The following SLC35F1 variants were observed in gnomAD, a reference collection of about 807,000 sequenced individuals.
SLC35F1 encodes chromosome 6 open reading frame 169.
Under a neutral mutation model 48.7 loss-of-function variants are expected in SLC35F1, and 14 were observed. That is an observed-to-expected ratio of 0.29 (90% CI 0.19 to 0.45). The LOEUF is 0.45. Among genes scored for constraint, SLC35F1 ranks in the 20% least tolerant of loss-of-function variants. SLC35F1 has a pLI of 1.00. For missense variants in SLC35F1, 404 were observed against 500.0 expected (o/e 0.81, Z 1.83); for synonymous variants, 190 against 202.2 (o/e 0.94, Z 0.51).
chr6:118,005,502 G>C (rs773300942), intron 1 of SLC35F1, among the ~76,000 whole-genome samples: 4 of 151,836 alleles, frequency 2.6e-5, no homozygotes, highest in Admixed American at 6.6e-5. Context: ...ATTCTTCCTA[G>C]TCTTATGATT....
At chr6:118,153,658 T>G (rs1378583992) in intron 1 of SLC35F1, among the ~76,000 whole-genome samples, 2 of 152,166 alleles carry the variant, frequency 1.3e-5, no homozygotes, top group African/African-American at 4.8e-5. Flanking sequence ...CCTTGACCCT[T>G]GCCTGTAGTC....
chr6:118,105,743 CT>C (rs1773318438), intron 1 of SLC35F1, among the ~76,000 whole-genome samples: 2 of 152,116 alleles, frequency 1.3e-5, no homozygotes, highest in Non-Finnish European at 2.9e-5. Context: ...TAATGTGTGC[CT>C]GTTCCTGACC....
chr6:118,290,131 G>A (rs535329197), intron 7 of SLC35F1, among the ~76,000 whole-genome samples: 1 of 151,778 alleles, frequency 6.6e-6, no homozygotes, highest in African/African-American at 2.4e-5. Context: ...TTGAATTCAG[G>A]TGTTATCTCT....
intron 1 of SLC35F1, among the ~76,000 whole-genome samples, chr6:117,966,131 G>GCCCCCCCCCCCCCCCCC (rs35420310): frequency 3.0e-5 from 3 of 101,166 alleles, no homozygotes; most frequent in Admixed American, 9.2e-5. Flanking sequence ...GCAGGCCACC[G>GCCCCCCCCCCCCCCCCC]CCCCCCCCCC....
chr6:117,976,326 G>A (rs185311054), intron 1 of SLC35F1, among the ~76,000 whole-genome samples: 2 of 152,316 alleles, frequency 1.3e-5, no homozygotes, highest in African/African-American at 4.8e-5. Context: ...CTGGCTGAAA[G>A]AAAACTGCTA....
chr6:118,226,122 C>T (rs1775213770), intron 2 of SLC35F1, among the ~76,000 whole-genome samples: 1 of 152,168 alleles, frequency 6.6e-6, no homozygotes. Flanking sequence ...TGAAAAAATA[C>T]TCAACATCAC....
chr6:118,070,939 T>C (rs979220415), intron 1 of SLC35F1, among the ~76,000 whole-genome samples: 1 of 16,022 alleles, frequency 6.2e-5, no homozygotes, highest in Non-Finnish European at 1.4e-4. Context: ...ATACTATATA[T>C]ACATAGTATA....
intron 1 of SLC35F1, among the ~76,000 whole-genome samples, chr6:117,925,909 C>G (rs1257275028): frequency 6.6e-6 from 1 of 152,118 alleles, no homozygotes; most frequent in Non-Finnish European, 1.5e-5. Context: ...GGGTGAAAGG[C>G]CCCCACTCCA....
intron 7 of SLC35F1, among the ~76,000 whole-genome samples, chr6:118,290,898 G>A (rs1309944090): frequency 1.3e-5 from 2 of 151,396 alleles, no homozygotes; most frequent in South Asian, 2.1e-4. Flanking sequence ...AGGTTCAAGC[G>A]ATTCTCCTGC....
chr6:118,116,202 G>GTGGGAGAATGAGAAT (rs1472555748), intron 1 of SLC35F1, among the ~76,000 whole-genome samples: 1 of 152,184 alleles, frequency 6.6e-6, no homozygotes, highest in African/African-American at 2.4e-5. Context: ...ACTTTATAGA[G>GTGGGAGAATGAGAAT]TGGGAGAATG....
chr6:118,025,013 C>T (rs908765245), intron 1 of SLC35F1, among the ~76,000 whole-genome samples: 5 of 152,208 alleles, frequency 3.3e-5, no homozygotes, highest in African/African-American at 1.2e-4. Context: ...CATATACTCC[C>T]CACCTAGGTT....
intron 2 of SLC35F1, among the ~76,000 whole-genome samples, chr6:118,189,972 A>G (rs1351358220): frequency 6.6e-6 from 1 of 152,228 alleles, no homozygotes; most frequent in African/African-American, 2.4e-5. Flanking sequence ...ATAGGCACAT[A>G]CTGCTAAGTT....
intron 3 of SLC35F1, among the ~76,000 whole-genome samples, chr6:118,256,205 GGTGTGTGTGTGTGTGTGTGT>G (rs71554895): frequency 1.7e-4 from 24 of 143,216 alleles, no homozygotes; most frequent in East Asian, 8.5e-4. Context: ...GAAGACTTCT[GGTGTGTGTGTGTGTGTGTGT>G]GTGTGTGTGT....
chr6:118,282,534 G>A (rs1474117778), intron 6 of SLC35F1, among the ~76,000 whole-genome samples: 2 of 152,210 alleles, frequency 1.3e-5, no homozygotes, highest in East Asian at 1.9e-4. Context: ...AACTGGGCTT[G>A]TAAAATCTCA....
chr6:118,000,234 C>T (rs534831218), intron 1 of SLC35F1, among the ~76,000 whole-genome samples: 1 of 152,236 alleles, frequency 6.6e-6, no homozygotes, highest in South Asian at 2.1e-4. Context: ...AGCAGCACAT[C>T]AAAAAGCTTA....
intron 2 of SLC35F1, among the ~76,000 whole-genome samples, chr6:118,197,360 G>A (rs1334263591): frequency 5.9e-5 from 9 of 151,856 alleles, no homozygotes; most frequent in Non-Finnish European, 1.5e-5. Flanking sequence ...TAACATTAGA[G>A]TTTTTCTCTT....
intron 2 of SLC35F1, among the ~76,000 whole-genome samples, chr6:118,200,736 C>A (rs1774863529): frequency 6.6e-6 from 1 of 152,098 alleles, no homozygotes; most frequent in Non-Finnish European, 1.5e-5. Flanking sequence ...TTATATTTTT[C>A]TATCGTAACA....
intron 7 of SLC35F1, among the ~76,000 whole-genome samples, chr6:118,306,847 T>C (rs1323329175): frequency 6.6e-6 from 1 of 152,184 alleles, no homozygotes; most frequent in Non-Finnish European, 1.5e-5. Flanking sequence ...CAGAAATCCA[T>C]TTTTAGCTCC....
intron 1 of SLC35F1, among the ~76,000 whole-genome samples, chr6:118,011,523 A>G (rs1425359257): frequency 1.3e-5 from 2 of 152,146 alleles, no homozygotes; most frequent in Non-Finnish European, 2.9e-5. Context: ...CCCTCCTCCA[A>G]CCTTGGGGAT....
Sources: allele counts gnomAD v4.1 joint callset (sites outside exome capture counted in the v4.1 genomes callset), GRCh38; gene constraint gnomAD v4.1.1; transcripts MANE v1.5; gene names NCBI Gene and HGNC (gene_info 2026-07-23, HGNC 2026-07-21).